The following CUX1 variants were observed in gnomAD, a reference collection of about 807,000 sequenced individuals.
CUX1 encodes the protein cut like homeobox 1, also known as protein CASP.
Under a neutral mutation model 158.8 loss-of-function variants are expected in CUX1, and 31 were observed. The ratio of observed to expected loss-of-function variants is 0.20; its 90% CI spans 0.15 to 0.26. The LOEUF is 0.26. CUX1 is among the 10% of genes least tolerant of loss of function. The probability of loss-of-function intolerance (pLI) is 1.00; values close to 1 mark genes in which losing one functional copy is unlikely to be tolerated. For synonymous variants in CUX1, 879 were observed against 862.1 expected, an observed-to-expected ratio of 1.02 and a Z score of -0.34; for missense variants, 1,589 against 2,014.6, an observed-to-expected ratio of 0.79 and a Z score of 4.04.
In CUX1 at chr7:102,219,576, C is replaced by T. The variant is rs782037567; in HGVS notation, c.3131-7791C>T. Among the ~76,000 whole-genome samples the T allele has an allele frequency of 7.2e-5, 11 of 152,308 alleles. No individual in the cohort carries two copies. In the East Asian group the frequency reaches 2.1e-3, roughly 29 times the overall value. On this transcript the variant is annotated intron_variant, in intron 20 of 23. Transcript: ENST00000292535. ...GACCTTCGCGTCGGCCCCCCGCTGGCGTCAGGCATAGCTGCTCACCTTCTT... is the reference window on the plus strand; with the variant it reads ...GACCTTCGCGTCGGCCCCCCGCTGGTGTCAGGCATAGCTGCTCACCTTCTT...
rs375889771 is a variant in CUX1, at chr7:102,204,948, G to A, written c.3074-166G>A. Among the ~76,000 whole-genome samples the A allele has an allele frequency of 8.8e-4, 134 of 152,324 alleles. No homozygotes were observed. Among genetic ancestry groups the A allele is most frequent in the Non-Finnish European group, 1.4e-3 (92 of 68,026 alleles). ...GAAACCTTTCACCTGCTCCCGGCCC[G>A]GGGGCCTGGCCTTGCAACAGCAGCG... is the stretch of plus-strand genomic sequence containing the variant. On this transcript the variant is annotated intron_variant, in intron 19 of 23. Transcript: ENST00000292535.
At chr7:101,928,681 T>C (rs1369662240) in intron 2 of CUX1, among the ~76,000 whole-genome samples, 1 of 139,660 alleles carries the variant, frequency 7.2e-6, no homozygotes. Context: ...TGGACTTTTT[T>C]TTTTTTTGAG....
chr7:102,132,846 A>G (rs1392522997), intron 8 of CUX1, among the ~76,000 whole-genome samples: 2 of 151,360 alleles, frequency 1.3e-5, no homozygotes, highest in South Asian at 2.1e-4. Context: ...TAATTTTTGT[A>G]TTTTTAGTAG....
At chr7:102,070,541 C>A (rs746245537) in intron 4 of CUX1, 124 bp downstream of exon 4, 5 of 682,880 alleles carry the variant, frequency 7.3e-6, no homozygotes, top group South Asian at 1.8e-5. Context: ...CAACTTCCCC[C>A]CAAGAAACCA....
Position 102,249,118 on chromosome 7 carries a change from G to A in CUX1, c.*76G>A, listed in dbSNP as rs1372193745. 32 of 1,181,120 alleles carry A rather than the reference G, an allele frequency of 2.7e-5. 1 individual carries two copies. Among genetic ancestry groups the A allele is most frequent in the Middle Eastern group, 3.3e-4 (1 of 3,034 alleles). The allele number at this position is 1,181,120 out of a possible 1,614,324, so 73.2% of individuals were successfully genotyped here. A position where few individuals can be genotyped will look rare whatever the true frequency, so the allele number is the denominator to read the frequency against. On this transcript the variant is annotated 3_prime_UTR_variant, in exon 24 of 24. Coordinates refer to ENST00000292535, the MANE Select transcript of CUX1 (RefSeq NM_181552.4). ...CGGGGTCGGACGGGGCAGGCGCTGC[G>A]GACACCGTGGCCTGGGCTTGGCCCG...
intron 1 of CUX1, among the ~76,000 whole-genome samples, chr7:101,911,046 T>G (rs928657484): frequency 2.6e-5 from 4 of 152,250 alleles, no homozygotes; most frequent in Admixed American, 1.3e-4. Flanking sequence ...GCACCCCAGC[T>G]GTACACCAGC....
In CUX1 at chr7:101,832,806, C is replaced by T. The variant is rs762558539; in HGVS notation, c.30+15137C>T. 7.9e-5 allele frequency among the ~76,000 whole-genome samples: 12 copies of T among 152,162 alleles called. No individual in the cohort carries two copies. The South Asian group carries it at 8.3e-4, about 11-fold the overall frequency. Reference sequence around the variant, plus strand: ...GTACTAGGACTGCCACTTCTGGGCGCGTCGGAGCGGCTGCACAGGGGGTCA... The same window carrying T: ...GTACTAGGACTGCCACTTCTGGGCGTGTCGGAGCGGCTGCACAGGGGGTCA... On this transcript the variant is annotated intron_variant, in intron 1 of 23. Transcript: ENST00000292535.
chr7:102,151,281 G>A (rs1197224030), intron 8 of CUX1, among the ~76,000 whole-genome samples: 5 of 152,180 alleles, frequency 3.3e-5, no homozygotes, highest in East Asian at 3.9e-4. Flanking sequence ...GGCTGGGCGC[G>A]TCGGTTCACG....
chr7:102,150,912 G>A (rs782151028), intron 8 of CUX1, among the ~76,000 whole-genome samples: 1 of 152,188 alleles, frequency 6.6e-6, no homozygotes, highest in Non-Finnish European at 1.5e-5. Flanking sequence ...TCATAAAAAC[G>A]TGAGAGATCT....
At chr7:102,080,464 G>A (rs1320333117) in intron 4 of CUX1, among the ~76,000 whole-genome samples, 1 of 152,144 alleles carries the variant, frequency 6.6e-6, no homozygotes, top group African/African-American at 2.4e-5. Context: ...GCGAAAAGTA[G>A]CGTCTGCCGC....
rs377642467 is a variant in CUX1, at chr7:102,077,918, ATGG to A, written c.268+7505_268+7507del. Among the ~76,000 whole-genome samples the A allele has an allele frequency of 2.9e-4, 44 of 151,580 alleles. No homozygotes were observed. In the East Asian group the frequency reaches 7.0e-3, roughly 24 times the overall value. On this transcript the variant is annotated intron_variant, in intron 4 of 23. Transcript: ENST00000292535. ...CAATGAGTATGTATTTATTTCTACA[ATGG>A]TGGAGAACATAAATTAGTAAAATAT...
At chr7:102,237,474 G>A (rs543556930) in intron 22 of CUX1, among the ~76,000 whole-genome samples, 1 of 152,236 alleles carries the variant, frequency 6.6e-6, no homozygotes, top group African/African-American at 2.4e-5. Context: ...TTGAGACAGG[G>A]TCTCTCTATG....
chr7:102,061,789 C>A (rs1478488026), intron 3 of CUX1, among the ~76,000 whole-genome samples: 1 of 152,192 alleles, frequency 6.6e-6, no homozygotes, highest in African/African-American at 2.4e-5. Context: ...AATCCCAGCA[C>A]TTCGGAAGGC....
chr7:101,914,420 CTCCCTCCCTCCGTCCT>C (rs1485229840), intron 1 of CUX1, among the ~76,000 whole-genome samples: 76 of 128,286 alleles, frequency 5.9e-4, no homozygotes, highest in African/African-American at 1.8e-3. Flanking sequence ...CCCTCTTTCC[CTCCCTCCCTCCGTCCT>C]TCCCTCCCTC....
At chr7:101,993,772 A>T (rs1287720000) in intron 2 of CUX1, among the ~76,000 whole-genome samples, 1 of 152,044 alleles carries the variant, frequency 6.6e-6, no homozygotes, top group Non-Finnish European at 1.5e-5. Context: ...GTCAGCCCTC[A>T]TCCCTGCCTG....
chr7:101,817,388 C>T (rs1253227931), upstream of CUX1: 35 of 984,668 alleles, frequency 3.6e-5, no homozygotes, highest in Non-Finnish European at 4.1e-5. This position sits in a 1 kb window ranked among gnomAD's most constrained non-coding sequence, Gnocchi z 4.1. Flanking sequence ...GGGCCGGGTT[C>T]TCGAAAGCAG....
At chr7:101,883,665 G>A (rs1031432689) in intron 1 of CUX1, among the ~76,000 whole-genome samples, 3 of 151,244 alleles carry the variant, frequency 2.0e-5, no homozygotes, top group Admixed American at 2.0e-4. Flanking sequence ...AGGCTGGAGT[G>A]CAATGGCATG....
At chr7:102,105,449 A>G (rs1442310039) in intron 6 of CUX1, among the ~76,000 whole-genome samples, 2 of 145,096 alleles carry the variant, frequency 1.4e-5, no homozygotes, top group African/African-American at 5.0e-5. Context: ...TGAAAGTTAG[A>G]TTCCTTGTAA....
Position 102,127,500 on chromosome 7 carries a change from C to T in CUX1, c.674+12227C>T, listed in dbSNP as rs533471205. ...GTGGGATTATAGGCATGAGCTGCTT[C>T]GCCCAAACTCGTCTGTTTTTTACCA... On this transcript the variant is annotated intron_variant, in intron 8 of 23. Transcript: ENST00000292535. 4.6e-5 allele frequency among the ~76,000 whole-genome samples: 7 copies of T among 152,292 alleles called. No homozygotes were observed. The South Asian group carries it at 1.2e-3, about 27-fold the overall frequency.
Sources: gnomAD v4.1 joint callset for allele counts (sites outside exome capture counted in the v4.1 genomes callset) on GRCh38, gnomAD v4.1.1 for gene constraint, Gnocchi (gnomAD v3.1) non-coding constraint, MANE v1.5 for transcripts, NCBI Gene and HGNC (gene_info 2026-07-23, HGNC 2026-07-21) for gene names.